Variants in WWP2 observed in about 807,000 individuals in gnomAD.
WWP2 encodes the protein NEDD4-like E3 ubiquitin-protein ligase WWP2.
Under a neutral mutation model 121.0 loss-of-function variants are expected in WWP2, and 57 were observed. That is an observed-to-expected ratio of 0.47 (90% CI 0.38 to 0.59). The LOEUF (loss-of-function observed/expected upper bound fraction) is 0.59. Ranked by LOEUF, WWP2 falls within the 20% of genes least tolerant of loss-of-function variation. The probability of loss-of-function intolerance (pLI) is 0.00; values close to 1 mark genes in which losing one functional copy is unlikely to be tolerated. For missense variants in WWP2, 962 were observed against 1,158.9 expected (o/e 0.83, Z 2.47); for synonymous variants, 449 against 441.3 (o/e 1.02, Z -0.22).
intron 4 of WWP2, among the ~76,000 whole-genome samples, chr16:69,818,576 G>T (rs1002753520): frequency 3.9e-5 from 6 of 152,098 alleles, no homozygotes; most frequent in Admixed American, 3.9e-4. Flanking sequence ...TCCCAAGGTC[G>T]CCAGTGACCT....
At chr16:69,936,651 C>T in intron 19 of WWP2, 199 bp downstream of exon 19, 1 of 696,478 alleles carries the variant, frequency 1.4e-6, no homozygotes, top group Non-Finnish European at 2.3e-6. Flanking sequence ...GTTACCGACT[C>T]CCAGCTGTGC....
At chr16:69,768,741 C>T (rs982730550) in intron 1 of WWP2, among the ~76,000 whole-genome samples, 8 of 152,346 alleles carry the variant, frequency 5.3e-5, no homozygotes, top group African/African-American at 1.4e-4. Flanking sequence ...TTCCAGTCAG[C>T]CTCTTTTATT....
intron 6 of WWP2, among the ~76,000 whole-genome samples, chr16:69,849,482 TATTCATTC>T (rs10632935): frequency 3.2e-4 from 48 of 149,666 alleles, no homozygotes; most frequent in East Asian, 7.9e-4. Context: ...TTTATTTATT[TATTCATTC>T]ATTCATTCAT....
intron 4 of WWP2, among the ~76,000 whole-genome samples, chr16:69,802,008 C>T (rs1224860350): frequency 1.3e-5 from 2 of 151,866 alleles, no homozygotes; most frequent in African/African-American, 2.4e-5. Flanking sequence ...TGGCTCACCA[C>T]AACCTTTGCC....
intron 6 of WWP2, among the ~76,000 whole-genome samples, chr16:69,864,516 A>G (rs922410406): frequency 7.2e-5 from 11 of 152,114 alleles, no homozygotes; most frequent in Non-Finnish European, 1.6e-4. Flanking sequence ...ATCCTAATCC[A>G]GACTTATTAC....
intron 8 of WWP2, among the ~76,000 whole-genome samples, chr16:69,907,978 C>A (rs2058319956): frequency 6.6e-6 from 1 of 152,202 alleles, no homozygotes; most frequent in Non-Finnish European, 1.5e-5. Flanking sequence ...CGGTGGCTCA[C>A]TCCTGTAATC....
Position 69,888,264 on chromosome 16 carries a change from G to A in WWP2, c.914+15G>A. On this transcript the variant is annotated intron_variant, in intron 8 of 23. Transcript: ENST00000359154. ...CTGCCTGCTGGGTGAGTAGTCTTCT[G>A]TCCCATAACAGATCTCTCCTCCTCA... The A allele has an allele frequency of 6.2e-7, 1 of 1,610,882 alleles. No homozygotes were observed. The highest frequency in any genetic ancestry group is 8.5e-7 in the Non-Finnish European group (1 of 1,178,292).
chr16:69,834,448 C>T (rs2056841347), intron 4 of WWP2, among the ~76,000 whole-genome samples: 1 of 152,018 alleles, frequency 6.6e-6, no homozygotes, highest in African/African-American at 2.4e-5. Context: ...TAACATTCTT[C>T]ATCCCCCTTC....
At chr16:69,863,052 A>G (rs62051417) in intron 6 of WWP2, among the ~76,000 whole-genome samples, 6 of 152,078 alleles carry the variant, frequency 3.9e-5, no homozygotes, top group Non-Finnish European at 7.4e-5. Context: ...GGCATTTGGG[A>G]GAGATATGTC....
intron 4 of WWP2, among the ~76,000 whole-genome samples, chr16:69,806,565 CT>C (rs1008366205): frequency 6.6e-6 from 1 of 151,198 alleles, no homozygotes; most frequent in Admixed American, 6.6e-5. Flanking sequence ...TCTTTGATGA[CT>C]TTTTTTTTCA....
intron 4 of WWP2, among the ~76,000 whole-genome samples, chr16:69,837,877 A>C (rs2056904467): frequency 1.3e-5 from 2 of 152,134 alleles, no homozygotes; most frequent in Non-Finnish European, 1.5e-5. Flanking sequence ...CTGTGGTCAC[A>C]GCCCAAAAAA....
At chr16:69,806,384 G>A (rs1293006687) in intron 4 of WWP2, among the ~76,000 whole-genome samples, 1 of 152,032 alleles carries the variant, frequency 6.6e-6, no homozygotes, top group Non-Finnish European at 1.5e-5. Context: ...TGTAGCTTTG[G>A]TCTATTTTTG....
At chr16:69,908,986 C>G in intron 9 of WWP2, 136 bp downstream of exon 9, 3 of 1,477,866 alleles carry the variant, frequency 2.0e-6, no homozygotes, top group Non-Finnish European at 9.0e-7. Context: ...ATTGCTTTTC[C>G]TATCCACTTA....
intron 4 of WWP2, among the ~76,000 whole-genome samples, chr16:69,810,130 A>G (rs1023993174): frequency 4.6e-5 from 7 of 152,204 alleles, no homozygotes; most frequent in Non-Finnish European, 1.0e-4. Flanking sequence ...CCACGGACAG[A>G]ATTCGTTCTT....
intron 1 of WWP2, among the ~76,000 whole-genome samples, chr16:69,775,433 C>T (rs2055505252): frequency 6.6e-6 from 1 of 152,154 alleles, no homozygotes; most frequent in Admixed American, 6.5e-5. Context: ...CAGCCATGTC[C>T]TGTCTACTGA....
Position 69,908,790 on chromosome 16 carries a change from G to T in WWP2, c.944G>T (p.Arg315Leu). ...GWEQRELPNG[R>L]VYYVDHNTKT... ...GAACAGCGAGAGCTGCCCAACGGAC[G>T]TGTCTATTATGTTGACCACAATACC... is the stretch of plus-strand genomic sequence containing the variant. Residue 315 changes from arginine to leucine, a missense_variant, in exon 9 of 24, where the codon CGT (arginine) becomes CTT (leucine). Transcript: ENST00000359154. The T allele has an allele frequency of 6.2e-7, 1 of 1,614,166 alleles. No homozygotes were observed. The highest frequency in any genetic ancestry group is 8.5e-7 in the Non-Finnish European group (1 of 1,180,020).
At chr16:69,811,944 G>T (rs930205347) in intron 4 of WWP2, among the ~76,000 whole-genome samples, 1 of 152,068 alleles carries the variant, frequency 6.6e-6, no homozygotes, top group Non-Finnish European at 1.5e-5. Flanking sequence ...GGTTCCTAAA[G>T]GAGAAGGATA....
intron 4 of WWP2, among the ~76,000 whole-genome samples, chr16:69,809,836 A>C (rs75343511): frequency 6.6e-6 from 1 of 151,918 alleles, no homozygotes; most frequent in Non-Finnish European, 1.5e-5. Flanking sequence ...GGAGAGAGAG[A>C]AAAAGAAAAA....
chr16:69,842,189 A>G (rs1597036833), intron 6 of WWP2, 69 bp downstream of exon 6: 2 of 1,435,682 alleles, frequency 1.4e-6, no homozygotes, highest in South Asian at 1.2e-5. Flanking sequence ...ATGTTGGGAC[A>G]TGGCGGGGAA....
Sources: gnomAD v4.1 joint callset for allele counts (sites outside exome capture counted in the v4.1 genomes callset) on GRCh38, gnomAD v4.1.1 for gene constraint, MANE v1.5 for transcripts, NCBI Gene and HGNC (gene_info 2026-07-23, HGNC 2026-07-21) for gene names.